Variants in SUGCT observed in about 807,000 individuals in gnomAD.
SUGCT encodes the protein succinyl-CoA:glutarate CoA-transferase.
A neutral mutation model predicts 55.0 loss-of-function variants in SUGCT; 41 were observed. The observed-to-expected ratio is 0.74, with a 90% CI of 0.58 to 0.97. The LOEUF (loss-of-function observed/expected upper bound fraction) is 0.97, where lower values mean the gene tolerates loss of function less well. Among genes scored for constraint, SUGCT ranks in the 50% least tolerant of loss-of-function variants. SUGCT has a pLI of 0.00. For missense variants in SUGCT, 568 were observed against 547.8 expected, an observed-to-expected ratio of 1.04 and a Z score of -0.37; for synonymous variants, 187 against 200.4, an observed-to-expected ratio of 0.93 and a Z score of 0.56.
chr7:40,684,519 C>T (rs556022314), intron 12 of SUGCT, among the ~76,000 whole-genome samples: 22 of 152,302 alleles, frequency 1.4e-4, no homozygotes, highest in African/African-American at 4.3e-4. Context: ...TGCCACCTCT[C>T]GTCTTCAGAT....
At chr7:40,216,623 G>A (rs182592420) in intron 6 of SUGCT, among the ~76,000 whole-genome samples, 2 of 149,044 alleles carry the variant, frequency 1.3e-5, no homozygotes, top group African/African-American at 4.9e-5. Context: ...AAGCCAAGGT[G>A]GGTGGATCAC....
At chr7:40,212,600 T>C (rs1787405457) in intron 6 of SUGCT, among the ~76,000 whole-genome samples, 1 of 152,096 alleles carries the variant, frequency 6.6e-6, no homozygotes. Context: ...AGTGGCGCGA[T>C]CTCAGCTCAC....
At chr7:40,511,089 T>A (rs1257421315) in intron 12 of SUGCT, among the ~76,000 whole-genome samples, 1 of 152,156 alleles carries the variant, frequency 6.6e-6, no homozygotes, top group African/African-American at 2.4e-5. Flanking sequence ...CAGTTAGACA[T>A]AGTATTTTTC....
At chr7:40,942,064 A>G in the SUGCT span, among the ~76,000 whole-genome samples, 1 of 152,122 alleles carries the variant, frequency 6.6e-6, no homozygotes, top group African/African-American at 2.4e-5. Context: ...CACATTTAAC[A>G]TTAATATTGA....
chr7:40,324,399 A>AGG (rs1232960609), intron 9 of SUGCT, among the ~76,000 whole-genome samples: 9 of 151,304 alleles, frequency 5.9e-5, no homozygotes, highest in African/African-American at 1.5e-4. Context: ...GGGATTACAG[A>AGG]TATACGTCAC....
chr7:41,024,828 A>G, the SUGCT span, among the ~76,000 whole-genome samples: 12 of 152,340 alleles, frequency 7.9e-5, no homozygotes, highest in South Asian at 2.1e-4. Context: ...ACCTGGGTAC[A>G]TATTCTTGAG....
chr7:40,658,856 C>T (rs769582676), intron 12 of SUGCT, among the ~76,000 whole-genome samples: 1 of 152,194 alleles, frequency 6.6e-6, no homozygotes, highest in Non-Finnish European at 1.5e-5. Flanking sequence ...CCTGGCTCTT[C>T]CTCTCCATGT....
At chr7:40,778,866 G>A (rs1789590045) in intron 13 of SUGCT, among the ~76,000 whole-genome samples, 1 of 152,176 alleles carries the variant, frequency 6.6e-6, no homozygotes, top group Admixed American at 6.6e-5. Context: ...ATTATTTTCT[G>A]TATGGCTTTT....
At chr7:40,555,011 A>G (rs1795488061) in intron 12 of SUGCT, among the ~76,000 whole-genome samples, 1 of 152,156 alleles carries the variant, frequency 6.6e-6, no homozygotes, top group South Asian at 2.1e-4. Flanking sequence ...CATAAACTAT[A>G]CTTTAATATA....
chr7:40,831,778 A>G lies in SUGCT; in HGVS notation c.1154-28538A>G, dbSNP rs548436298. Among the ~76,000 whole-genome samples, 31 of 152,246 alleles carry G rather than the reference A, an allele frequency of 2.0e-4. No individual in the cohort carries two copies. The South Asian group carries it at 3.5e-3, about 17-fold the overall frequency. ...ATCTCTGTGTGATACTCTTCTTACTATTCACCCCAACCCCAGCCTGAATTC... is the reference window on the plus strand; with the variant it reads ...ATCTCTGTGTGATACTCTTCTTACTGTTCACCCCAACCCCAGCCTGAATTC... On this transcript the variant is annotated intron_variant, in intron 13 of 13. Coordinates refer to ENST00000335693, the MANE Select transcript of SUGCT (RefSeq NM_001193313.2).
intron 9 of SUGCT, among the ~76,000 whole-genome samples, chr7:40,332,225 C>A (rs148853840): frequency 8.5e-5 from 13 of 152,214 alleles, no homozygotes; most frequent in African/African-American, 2.9e-4. Flanking sequence ...CTGAAAACAT[C>A]CTAGTAAGAA....
chr7:40,947,352 A>T, the SUGCT span, among the ~76,000 whole-genome samples: 1 of 152,098 alleles, frequency 6.6e-6, no homozygotes, highest in African/African-American at 2.4e-5. Context: ...TATTTCCTTT[A>T]TTTCTTTAGA....
intron 12 of SUGCT, among the ~76,000 whole-genome samples, chr7:40,643,546 T>A (rs572249655): frequency 6.6e-6 from 1 of 152,280 alleles, no homozygotes; most frequent in Admixed American, 6.5e-5. Context: ...AACACCTCTG[T>A]CTTTTGTTTT....
intron 13 of SUGCT, among the ~76,000 whole-genome samples, chr7:40,846,296 C>T (rs1793552555): frequency 6.6e-6 from 1 of 151,758 alleles, no homozygotes; most frequent in South Asian, 2.1e-4. Context: ...GCAAAGAGCA[C>T]GTTGTCAGCA....
At chr7:40,938,168 A>G in the SUGCT span, among the ~76,000 whole-genome samples, 2 of 152,134 alleles carry the variant, frequency 1.3e-5, no homozygotes, top group Non-Finnish European at 2.9e-5. Context: ...TGTAGACAAC[A>G]TATTTTTGGA....
At chr7:40,451,535 A>T (rs1309217024) in intron 10 of SUGCT, among the ~76,000 whole-genome samples, 3 of 152,126 alleles carry the variant, frequency 2.0e-5, no homozygotes, top group Non-Finnish European at 2.9e-5. Flanking sequence ...CTTGACCTTG[A>T]TTTTCTCATA....
intron 12 of SUGCT, among the ~76,000 whole-genome samples, chr7:40,581,926 C>G (rs1296346769): frequency 6.6e-6 from 1 of 151,968 alleles, no homozygotes; most frequent in Non-Finnish European, 1.5e-5. Context: ...AATAAATGTC[C>G]CTGCTCCTGC....
intron 11 of SUGCT, among the ~76,000 whole-genome samples, chr7:40,470,325 C>G (rs763442111): frequency 2.0e-4 from 30 of 152,070 alleles, no homozygotes; most frequent in Non-Finnish European, 3.2e-4. Flanking sequence ...CTTTGGCTCT[C>G]CAGCATGGAC....
At chr7:40,937,859 AGACAATTTTTCCACAGGCAGGAGCCAGAG>A in the SUGCT span, among the ~76,000 whole-genome samples, 2 of 152,202 alleles carry the variant, frequency 1.3e-5, no homozygotes, top group African/African-American at 4.8e-5. Flanking sequence ...GTCCTGTGGA[AGACAATTTTTCCACAGGCAGGAGCCAGAG>A]GGGATGATTT....
Sources: allele counts gnomAD v4.1 joint callset (sites outside exome capture counted in the v4.1 genomes callset), GRCh38; gene constraint gnomAD v4.1.1; transcripts MANE v1.5; gene names NCBI Gene and HGNC (gene_info 2026-07-23, HGNC 2026-07-21).